The following LRRC4C variants were observed in gnomAD, a reference collection of about 807,000 sequenced individuals.
LRRC4C encodes the protein leucine rich repeat containing 4C.
LRRC4C carries 5 observed loss-of-function variants against 33.6 expected under a neutral mutation model. That is an observed-to-expected ratio of 0.15 (90% confidence interval 0.08 to 0.31). The LOEUF (loss-of-function observed/expected upper bound fraction) is 0.31, where lower values mean the gene tolerates loss of function less well. Ranked by LOEUF, LRRC4C falls within the 10% of genes least tolerant of loss-of-function variation. LRRC4C has a pLI of 1.00. For missense variants in LRRC4C, 560 were observed against 796.7 expected, an observed-to-expected ratio of 0.70 and a Z score of 3.58; for synonymous variants, 329 against 302.0, an observed-to-expected ratio of 1.09 and a Z score of -0.93.
intron 2 of LRRC4C, among the ~76,000 whole-genome samples, chr11:40,726,690 T>C (rs1274954134): frequency 6.6e-6 from 1 of 151,902 alleles, no homozygotes; most frequent in Non-Finnish European, 1.5e-5. Context: ...CCTTTAAAAA[T>C]TGGAAGAAGA....
chr11:41,356,986 G>A (rs1952184393), intron 1 of LRRC4C, among the ~76,000 whole-genome samples: 1 of 152,070 alleles, frequency 6.6e-6, no homozygotes, highest in African/African-American at 2.4e-5. Flanking sequence ...AAGTTAGCAT[G>A]TTAATAATCT....
intron 3 of LRRC4C, among the ~76,000 whole-genome samples, chr11:40,338,590 A>G (rs1284591822): frequency 6.6e-6 from 1 of 152,216 alleles, no homozygotes; most frequent in Non-Finnish European, 1.5e-5. Flanking sequence ...TGAAATGAAT[A>G]TGAGGTCTAT....
At chr11:40,788,951 G>T (rs551602248) in intron 2 of LRRC4C, among the ~76,000 whole-genome samples, 1 of 152,014 alleles carries the variant, frequency 6.6e-6, no homozygotes, top group African/African-American at 2.4e-5. Flanking sequence ...AAATTAGCTG[G>T]GCATGGTAGC....
At chr11:41,216,933 C>G (rs373260308) in intron 1 of LRRC4C, among the ~76,000 whole-genome samples, 1 of 152,100 alleles carries the variant, frequency 6.6e-6, no homozygotes, top group East Asian at 1.9e-4. Flanking sequence ...AAAGAATATT[C>G]AAACTTATGC....
chr11:40,615,781 TA>T (rs1961748598), intron 3 of LRRC4C, among the ~76,000 whole-genome samples: 1 of 151,752 alleles, frequency 6.6e-6, no homozygotes, highest in African/African-American at 2.4e-5. Context: ...AATTTGAAAT[TA>T]TCCATTTTCA....
chr11:40,128,388 CT>C (rs1856412853), intron 6 of LRRC4C, among the ~76,000 whole-genome samples: 2 of 152,220 alleles, frequency 1.3e-5, no homozygotes, highest in South Asian at 4.1e-4. Flanking sequence ...GGTCTGTCTA[CT>C]TTTCCTCATT....
chr11:41,174,675 T>G (rs1945120043), intron 1 of LRRC4C, among the ~76,000 whole-genome samples: 1 of 152,078 alleles, frequency 6.6e-6, no homozygotes, highest in Non-Finnish European at 1.5e-5. Flanking sequence ...AACACACACA[T>G]TCAGTGTGAT....
chr11:40,327,370 C>CAT (rs1448838986), intron 3 of LRRC4C, among the ~76,000 whole-genome samples: 2 of 152,198 alleles, frequency 1.3e-5, no homozygotes, highest in Admixed American at 1.3e-4. Flanking sequence ...CTCAGTGTTT[C>CAT]ATATTTATTT....
chr11:40,978,371 T>C (rs1183475444), intron 1 of LRRC4C, among the ~76,000 whole-genome samples: 2 of 152,206 alleles, frequency 1.3e-5, no homozygotes, highest in African/African-American at 4.8e-5. Context: ...CCCTACTCTC[T>C]GGTTCTTAAC....
At chr11:41,455,139 C>CTCACA (rs1187900562) in intron 1 of LRRC4C, among the ~76,000 whole-genome samples, 1 of 152,078 alleles carries the variant, frequency 6.6e-6, no homozygotes, top group Non-Finnish European at 1.5e-5. Context: ...TGGTCTATCT[C>CTCACA]TCCACCAAAT....
intron 1 of LRRC4C, among the ~76,000 whole-genome samples, chr11:41,145,981 A>G (rs1199066696): frequency 2.6e-5 from 4 of 152,172 alleles, no homozygotes; most frequent in Non-Finnish European, 4.4e-5. Context: ...TCATAAACAA[A>G]TGAACCAAAA....
intron 1 of LRRC4C, among the ~76,000 whole-genome samples, chr11:41,304,315 T>A (rs1400236322): frequency 4.6e-4 from 40 of 87,306 alleles, no homozygotes; most frequent in African/African-American, 1.7e-3. Context: ...GGAGCCCCTC[T>A]GCCCGGCCAG....
chr11:40,747,376 C>A (rs1329011094), intron 2 of LRRC4C, among the ~76,000 whole-genome samples: 1 of 152,010 alleles, frequency 6.6e-6, no homozygotes, highest in Non-Finnish European at 1.5e-5. Context: ...ACTACCCAAC[C>A]AAAACCATAG....
chr11:40,807,599 T>C (rs1317477261), intron 2 of LRRC4C, among the ~76,000 whole-genome samples: 1 of 152,206 alleles, frequency 6.6e-6, no homozygotes, highest in Admixed American at 6.5e-5. Flanking sequence ...AAGTCTGCTG[T>C]TCAGAGGAGC....
intron 2 of LRRC4C, among the ~76,000 whole-genome samples, chr11:40,696,675 A>G (rs1945552496): frequency 6.8e-6 from 1 of 148,096 alleles, no homozygotes; most frequent in African/African-American, 2.5e-5. Flanking sequence ...CCAGCAGCCA[A>G]TAAAACACAG....
At chr11:41,062,617 G>A (rs1937872214) in intron 1 of LRRC4C, among the ~76,000 whole-genome samples, 1 of 152,158 alleles carries the variant, frequency 6.6e-6, no homozygotes, top group Non-Finnish European at 1.5e-5. Context: ...TATTCTCAAT[G>A]AACTTATAAC....
intron 4 of LRRC4C, among the ~76,000 whole-genome samples, chr11:40,275,819 A>G (rs1943059993): frequency 6.6e-6 from 1 of 152,170 alleles, no homozygotes; most frequent in South Asian, 2.1e-4. Context: ...TGTGAAGAAC[A>G]TTCTTTCAAT....
intron 2 of LRRC4C, among the ~76,000 whole-genome samples, chr11:40,818,174 CTA>C (rs1435945109): frequency 6.6e-6 from 1 of 152,086 alleles, no homozygotes; most frequent in African/African-American, 2.4e-5. Flanking sequence ...TATTCTAGCA[CTA>C]TCTTACTTAG....
chr11:40,607,298 C>T (rs557372405), intron 3 of LRRC4C, among the ~76,000 whole-genome samples: 23 of 152,246 alleles, frequency 1.5e-4, no homozygotes, highest in East Asian at 9.7e-4. Context: ...CTTCACCTTC[C>T]GGCCTCTGCC....
Sources: gnomAD v4.1 joint callset for allele counts (sites outside exome capture counted in the v4.1 genomes callset) on GRCh38, gnomAD v4.1.1 for gene constraint, MANE v1.5 for transcripts, NCBI Gene and HGNC (gene_info 2026-07-23, HGNC 2026-07-21) for gene names.